The following APBA1 variants were observed in gnomAD, a reference collection of about 807,000 sequenced individuals.
The protein encoded by APBA1 is amyloid-beta A4 precursor protein-binding family A member 1.
In APBA1, 55 loss-of-function variants were observed where a neutral mutation model predicts 86.6. The ratio of observed to expected loss-of-function variants is 0.64; its 90% CI spans 0.51 to 0.80. APBA1 has a LOEUF of 0.80. APBA1 is among the 30% of genes least tolerant of loss of function. APBA1 has a pLI of 0.00. For synonymous variants in APBA1, 511 were observed against 493.9 expected, an observed-to-expected ratio of 1.03 and a Z score of -0.46; for missense variants, 1,090 against 1,183.0, an observed-to-expected ratio of 0.92 and a Z score of 1.15.
intron 9 of APBA1, among the ~76,000 whole-genome samples, chr9:69,450,923 T>C (rs995373408): frequency 6.6e-6 from 1 of 152,088 alleles, no homozygotes; most frequent in African/African-American, 2.4e-5. Flanking sequence ...AGAGAAAGGC[T>C]TGGAACAGAT....
At chr9:69,667,091 AT>A (rs888695549) in intron 1 of APBA1, among the ~76,000 whole-genome samples, 10 of 151,988 alleles carry the variant, frequency 6.6e-5, no homozygotes, top group Non-Finnish European at 1.5e-4. Flanking sequence ...AAACACTTAC[AT>A]TTTTCCCCAT....
At chr9:69,641,385 G>GT (rs1454566470) in intron 1 of APBA1, among the ~76,000 whole-genome samples, 1 of 152,170 alleles carries the variant, frequency 6.6e-6, no homozygotes, top group African/African-American at 2.4e-5. Flanking sequence ...AGACTTCTCT[G>GT]TAGAAACTGA....
At chr9:69,583,780 A>T (rs933059563) in intron 1 of APBA1, among the ~76,000 whole-genome samples, 2 of 152,196 alleles carry the variant, frequency 1.3e-5, no homozygotes, top group African/African-American at 4.8e-5. Context: ...GATACTGCGG[A>T]ATCATTAAAA....
At chr9:69,651,800 A>C (rs1823508581) in intron 1 of APBA1, among the ~76,000 whole-genome samples, 1 of 152,158 alleles carries the variant, frequency 6.6e-6, no homozygotes, top group African/African-American at 2.4e-5. Flanking sequence ...AACAAAATTG[A>C]CTGCCAATTG....
rs1836214942 is a variant in APBA1, at chr9:69,519,255, G to C, written c.-69-1976C>G. ...TTCCACCTCAGATCATGAGGCATTA[G>C]TTAGATTTTCATAAGAGTGCATGAC... is the stretch of plus-strand genomic sequence containing the variant. On this transcript the variant is annotated intron_variant, in intron 1 of 12. Coordinates refer to ENST00000265381, the MANE Select transcript of APBA1 (RefSeq NM_001163.4). Among the ~76,000 whole-genome samples, 4 of 152,308 alleles carry C rather than the reference G, an allele frequency of 2.6e-5. No homozygotes were observed. The South Asian group carries it at 8.3e-4, about 32-fold the overall frequency.
intron 1 of APBA1, among the ~76,000 whole-genome samples, chr9:69,525,817 T>C (rs905172809): frequency 6.6e-6 from 1 of 152,004 alleles, no homozygotes; most frequent in African/African-American, 2.4e-5. Flanking sequence ...CTTCAAACTA[T>C]ACTATAAGGC....
intron 1 of APBA1, among the ~76,000 whole-genome samples, chr9:69,649,565 G>A (rs1298764374): frequency 6.6e-6 from 1 of 152,134 alleles, no homozygotes; most frequent in African/African-American, 2.4e-5. Flanking sequence ...TTGTGCAAGT[G>A]CCTGTCTCCT....
intron 1 of APBA1, among the ~76,000 whole-genome samples, chr9:69,521,828 G>A (rs1462910733): frequency 6.6e-6 from 1 of 152,106 alleles, no homozygotes; most frequent in East Asian, 1.9e-4. Context: ...GGTGTGGCGT[G>A]AGTAAGGGAC....
chr9:69,500,683 G>A (rs1156665701), intron 2 of APBA1, among the ~76,000 whole-genome samples: 1 of 152,048 alleles, frequency 6.6e-6, no homozygotes, highest in Non-Finnish European at 1.5e-5. Flanking sequence ...GCTTAAGCTA[G>A]CACTTACCAA....
intron 1 of APBA1, among the ~76,000 whole-genome samples, chr9:69,573,300 G>A (rs968872431): frequency 2.0e-5 from 3 of 150,586 alleles, no homozygotes; most frequent in African/African-American, 7.3e-5. Context: ...TGGGCAACAA[G>A]CTAATTTAAA....
chr9:69,560,408 C>A (rs534560829), intron 1 of APBA1, among the ~76,000 whole-genome samples: 1 of 152,308 alleles, frequency 6.6e-6, no homozygotes, highest in East Asian at 1.9e-4. Flanking sequence ...TGGCTCTTAA[C>A]TAAGAGCAAG....
In APBA1 at chr9:69,452,200, C is replaced by T. The variant is rs761318637; in HGVS notation, c.1890G>A (p.Glu630=). 1.9e-6 allele frequency: 3 copies of T among 1,614,100 alleles called. No individual in the cohort carries two copies. The African/African-American group carries it at 4.0e-5, about 22-fold the overall frequency. The change falls in exon 9 of 13, where the codon GAG becomes GAA. Residue 630 remains glutamate (E), a synonymous_variant. Transcript: ENST00000265381. Reference sequence around the variant, plus strand: ...CCTGGGTATTGAGCAGGTCACTATACTCCTTCTGGCTGAGATCTTCGGGGT... The same window carrying T: ...CCTGGGTATTGAGCAGGTCACTATATTCCTTCTGGCTGAGATCTTCGGGGT... The part of the protein sequence containing the change: ...GINPEDLSQK[E]YSDLLNTQDM...
At chr9:69,657,097 G>T (rs899819221) in intron 1 of APBA1, among the ~76,000 whole-genome samples, 2 of 151,386 alleles carry the variant, frequency 1.3e-5, no homozygotes, top group African/African-American at 2.4e-5. Context: ...CACCCGCCTC[G>T]GCCTCCCAAG....
intron 1 of APBA1, among the ~76,000 whole-genome samples, chr9:69,664,762 T>C (rs945022212): frequency 6.6e-6 from 1 of 152,218 alleles, no homozygotes; most frequent in African/African-American, 2.4e-5. Context: ...GGCCACCCTA[T>C]AACAGAGCGT....
chr9:69,619,639 C>T (rs931363004), intron 1 of APBA1, among the ~76,000 whole-genome samples: 1 of 152,214 alleles, frequency 6.6e-6, no homozygotes, highest in East Asian at 1.9e-4. Context: ...GGCTCCCTCC[C>T]CAACTCACTT....
At chr9:69,613,208 T>TAC (rs370141387) in intron 1 of APBA1, among the ~76,000 whole-genome samples, 1 of 53,232 alleles carries the variant, frequency 1.9e-5, no homozygotes, top group African/African-American at 1.3e-4. Context: ...TTGATCTCCC[T>TAC]GTTAGAACAA....
At chr9:69,455,863 G>A (rs971130742) in intron 8 of APBA1, among the ~76,000 whole-genome samples, 3 of 152,062 alleles carry the variant, frequency 2.0e-5, no homozygotes, top group African/African-American at 2.4e-5. Context: ...CAGGGCCTTC[G>A]CATTTGCTCC....
chr9:69,570,681 C>CT (rs1252426071), intron 1 of APBA1, among the ~76,000 whole-genome samples: 3 of 151,920 alleles, frequency 2.0e-5, no homozygotes, highest in Admixed American at 6.6e-5. Context: ...CCCCCTTTGT[C>CT]TTTTTTTTGT....
intron 1 of APBA1, among the ~76,000 whole-genome samples, chr9:69,582,662 A>G (rs1821935871): frequency 6.6e-6 from 1 of 151,944 alleles, no homozygotes; most frequent in African/African-American, 2.4e-5. Context: ...TTATCTTCCC[A>G]TTCAGGCTGT....
Sources: allele counts gnomAD v4.1 joint callset (sites outside exome capture counted in the v4.1 genomes callset), GRCh38; gene constraint gnomAD v4.1.1; transcripts MANE v1.5; gene names NCBI Gene and HGNC (gene_info 2026-07-23, HGNC 2026-07-21).